The following UBTD1 variants were observed in gnomAD, a reference collection of about 807,000 sequenced individuals.
The protein encoded by UBTD1 is ubiquitin domain containing 1, also known as ubiquitin domain-containing protein 1.
A neutral mutation model predicts 21.7 loss-of-function variants in UBTD1; 19 were observed. The ratio of observed to expected loss-of-function variants is 0.87; its 90% confidence interval spans 0.61 to 1.28. UBTD1 has a LOEUF of 1.28. Ranked by LOEUF, UBTD1 falls within the 50% of genes most tolerant of loss-of-function variation. UBTD1 has a pLI of 0.00. For missense variants in UBTD1, 282 were observed against 315.1 expected (o/e 0.89, Z 0.80); for synonymous variants, 116 against 135.1 (o/e 0.86, Z 0.98).
chr10:97,553,273 A>G (rs985793174), intron 1 of UBTD1, among the ~76,000 whole-genome samples: 1 of 152,312 alleles, frequency 6.6e-6, no homozygotes, highest in Non-Finnish European at 1.5e-5. Context: ...CTGGGATTAC[A>G]GGCATGTGCC....
chr10:97,544,430 T>C (rs2040599782), intron 1 of UBTD1, among the ~76,000 whole-genome samples: 1 of 152,074 alleles, frequency 6.6e-6, no homozygotes, highest in East Asian at 1.9e-4. Context: ...GCTGATGGAT[T>C]TCAGATCAAA....
Position 97,499,212 on chromosome 10 carries a change from C to T in UBTD1, c.9C>T (p.Asn3=), listed in dbSNP as rs1396299503. 2 of 1,546,936 alleles carry T rather than the reference C, an allele frequency of 1.3e-6. No homozygotes were observed. Among genetic ancestry groups the T allele is most frequent in the Admixed American group, 2.0e-5 (1 of 50,664 alleles). The change falls in exon 1 of 3, where the codon AAC becomes AAT. Residue 3 remains asparagine (N), a synonymous_variant. Transcript: ENST00000370664. MG[N]CVGRQRRERP... Reference sequence around the variant, plus strand: ...CTGGCTGAGGAGCCAGCATGGGCAACTGCGTGGGGAGACAGCGCCGGGAGA... The same window carrying T: ...CTGGCTGAGGAGCCAGCATGGGCAATTGCGTGGGGAGACAGCGCCGGGAGA...
At chr10:97,563,047 T>C (rs960498020) in intron 1 of UBTD1, among the ~76,000 whole-genome samples, 16 of 152,148 alleles carry the variant, frequency 1.1e-4, no homozygotes, top group African/African-American at 3.6e-4. Flanking sequence ...AGGGTAATAT[T>C]GTGGGGTTGT....
Position 97,556,638 on chromosome 10 carries a change from G to A in UBTD1, c.71-11276G>A, listed in dbSNP as rs561494672. The stretch of plus-strand genomic sequence containing the variant: ...CACCTATGGCTATGCTTCGTTTTTC[G>A]CGGGAAGCATAGACTGGGAAGCCCA... On this transcript the variant is annotated intron_variant, in intron 1 of 2. Coordinates refer to ENST00000370664, the MANE Select transcript of UBTD1 (RefSeq NM_024954.5). 6.8e-4 allele frequency among the ~76,000 whole-genome samples: 104 copies of A among 152,216 alleles called. 1 individual carries two copies. The South Asian group carries it at 0.018, about 26-fold the overall frequency.
intron 1 of UBTD1, among the ~76,000 whole-genome samples, chr10:97,547,718 C>T (rs900524340): frequency 1.4e-4 from 22 of 152,110 alleles, no homozygotes; most frequent in African/African-American, 5.1e-4. Context: ...GCATATGCCA[C>T]CACGCCTGGC....
intron 2 of UBTD1, among the ~76,000 whole-genome samples, chr10:97,569,300 GA>G (rs2040733408): frequency 6.6e-6 from 1 of 152,242 alleles, no homozygotes; most frequent in Admixed American, 6.5e-5. Context: ...AGGTGCTCAA[GA>G]GACAATAAAC....
chr10:97,525,911 T>C (rs1258648084), intron 1 of UBTD1, among the ~76,000 whole-genome samples: 1 of 152,228 alleles, frequency 6.6e-6, no homozygotes, highest in Non-Finnish European at 1.5e-5. Flanking sequence ...TTGATTTCCA[T>C]GCTAAGGTGT....
intron 1 of UBTD1, among the ~76,000 whole-genome samples, chr10:97,519,482 G>A (rs1301608964): frequency 1.3e-5 from 2 of 152,152 alleles, no homozygotes; most frequent in South Asian, 2.1e-4. Context: ...TACACATTCT[G>A]TATTGACAGG....
intron 1 of UBTD1, among the ~76,000 whole-genome samples, chr10:97,541,106 T>C (rs986386942): frequency 2.6e-5 from 4 of 152,164 alleles, no homozygotes; most frequent in Non-Finnish European, 5.9e-5. Context: ...ATTGCCTCAG[T>C]GTCCTCATCC....
intron 1 of UBTD1, among the ~76,000 whole-genome samples, chr10:97,544,593 C>A (rs551074125): frequency 6.6e-6 from 1 of 152,284 alleles, no homozygotes; most frequent in South Asian, 2.1e-4. Flanking sequence ...TGACCAGAAG[C>A]CTTACTAATA....
chr10:97,505,693 C>G (rs7096611), intron 1 of UBTD1, among the ~76,000 whole-genome samples: 34,623 of 152,120 alleles, frequency 0.23, 4,562 homozygotes, highest in East Asian at 0.57. Flanking sequence ...CTCTTGATCT[C>G]TTTGAGCCTC....
chr10:97,536,194 G>A lies in UBTD1; in HGVS notation c.71-31720G>A, dbSNP rs144890827. Among the ~76,000 whole-genome samples, 287 of 152,106 alleles carry A rather than the reference G, an allele frequency of 1.9e-3. 1 individual carries two copies. The highest frequency in any genetic ancestry group is 6.8e-3 in the African/African-American group (281 of 41,488). Reference sequence around the variant, plus strand: ...TTTAGTAGAGATGGGGTTTCACCATGTTGGTCAGGCTTGTCTCGAACTCCT... The same window carrying A: ...TTTAGTAGAGATGGGGTTTCACCATATTGGTCAGGCTTGTCTCGAACTCCT... On this transcript the variant is annotated intron_variant, in intron 1 of 2. Transcript: ENST00000370664.
chr10:97,518,935 A>T (rs2040455716), intron 1 of UBTD1, among the ~76,000 whole-genome samples: 1 of 152,256 alleles, frequency 6.6e-6, no homozygotes, highest in Non-Finnish European at 1.5e-5. Flanking sequence ...AAGTTGTATG[A>T]TCATCCTCTC....
chr10:97,529,161 C>T (rs1435561464), intron 1 of UBTD1, among the ~76,000 whole-genome samples: 2 of 148,104 alleles, frequency 1.4e-5, no homozygotes, highest in African/African-American at 5.1e-5. Context: ...ACATCTCAGA[C>T]GATGGGCGGC....
At chr10:97,516,632 G>A (rs866202308) in intron 1 of UBTD1, among the ~76,000 whole-genome samples, 2 of 152,092 alleles carry the variant, frequency 1.3e-5, no homozygotes, top group African/African-American at 2.4e-5. Context: ...AAAATTAGCC[G>A]GGCACGGTGG....
At chr10:97,546,728 C>T (rs1019450455) in intron 1 of UBTD1, among the ~76,000 whole-genome samples, 36 of 152,142 alleles carry the variant, frequency 2.4e-4, no homozygotes, top group African/African-American at 7.5e-4. Context: ...TAGCTCCTCC[C>T]GCCTTGCTCC....
intron 1 of UBTD1, among the ~76,000 whole-genome samples, chr10:97,505,320 A>G (rs1367363729): frequency 1.3e-5 from 2 of 152,168 alleles, no homozygotes; most frequent in African/African-American, 2.4e-5. Flanking sequence ...CTACATAAAA[A>G]CTGCATGTGC....
At position 97,570,208 on chromosome 10, in the gene UBTD1, G is replaced by A. The variant is rs140190667; in HGVS notation, c.369G>A (p.Pro123=). Reference sequence around the variant, plus strand: ...TGCCCATCTACTGCCTGTCACCGCCGGTGAACCTGCTGCTGGAGCACACGG... The same window carrying A: ...TGCCCATCTACTGCCTGTCACCGCCAGTGAACCTGCTGCTGGAGCACACGG... ...YQLPIYCLSP[P]VNLLLEHTEE... is the part of the protein sequence containing the mutation. The change falls in exon 3 of 3, where the codon CCG becomes CCA. Residue 123 remains proline, a synonymous_variant. Coordinates refer to ENST00000370664, the MANE Select transcript of UBTD1 (RefSeq NM_024954.5). The surrounding 1 kb of genome is among the most constrained non-coding windows in gnomAD (Gnocchi z 6.6). The A allele has an allele frequency of 9.1e-5, 147 of 1,613,300 alleles. No homozygotes were observed. In the African/African-American group the frequency reaches 1.1e-3, roughly 12 times the overall value.
intron 1 of UBTD1, among the ~76,000 whole-genome samples, chr10:97,541,455 A>G (rs2040586794): frequency 6.6e-6 from 1 of 152,098 alleles, no homozygotes; most frequent in African/African-American, 2.4e-5. Context: ...TCCAGCCTGG[A>G]TGACAGAGCA....
Sources: allele counts gnomAD v4.1 joint callset (sites outside exome capture counted in the v4.1 genomes callset), GRCh38; gene constraint gnomAD v4.1.1; non-coding constraint Gnocchi (gnomAD v3.1); transcripts MANE v1.5; gene names NCBI Gene and HGNC (gene_info 2026-07-23, HGNC 2026-07-21).